SH3TC2: variants seen among roughly 807,000 people sequenced by gnomAD.
SH3TC2 encodes the protein SH3 domain and tetratricopeptide repeat-containing protein 2.
A neutral mutation model predicts 124.5 loss-of-function variants in SH3TC2; 87 were observed. The ratio of observed to expected loss-of-function variants is 0.70; its 90% CI spans 0.59 to 0.84. The LOEUF (loss-of-function observed/expected upper bound fraction) is 0.84. Ranked by LOEUF, SH3TC2 falls within the 40% of genes least tolerant of loss-of-function variation. SH3TC2 has a pLI of 0.00. For synonymous variants in SH3TC2, 634 were observed against 628.5 expected (o/e 1.01, Z -0.13); for missense variants, 1,536 against 1,566.4 (o/e 0.98, Z 0.33).
chr5:149,039,683 A>G (rs1259067761), intron 7 of SH3TC2, among the ~76,000 whole-genome samples: 2 of 152,266 alleles, frequency 1.3e-5, no homozygotes, highest in Middle Eastern at 3.4e-3. Context: ...TTATTGTATC[A>G]TTTTACTAAT....
At chr5:149,024,177 C>G (rs190498924) in intron 12 of SH3TC2, among the ~76,000 whole-genome samples, 1 of 152,296 alleles carries the variant, frequency 6.6e-6, no homozygotes, top group East Asian at 1.9e-4. Context: ...GAGCCAGGGA[C>G]TCCTCCACAC....
intron 1 of SH3TC2, among the ~76,000 whole-genome samples, chr5:149,055,463 A>G (rs1027163077): frequency 6.6e-6 from 1 of 152,066 alleles, no homozygotes; most frequent in Non-Finnish European, 1.5e-5. Context: ...TAAAACCACA[A>G]TGGAACACAA....
At position 149,027,193 on chromosome 5, in the gene SH3TC2, G is replaced by T; in HGVS notation, c.2539C>A (p.Gln847Lys). ...GCCCTGTTCACCCGGCCTTCACCTT[G>T]GAGTGCAAGTCCCAGGAGGTTATAG... ...VIYNLLGLAL[Q>K]GEGRVNRAAK... Residue 847 changes from glutamine (Q) to lysine (K), a missense_variant, in exon 11 of 17, where the codon CAA becomes AAA. By Grantham distance (53) the Gln-to-Lys change is moderately conservative. Around this residue, in one of 3 missense-constraint regions of SH3TC2, gnomAD observed 1,102 missense variants for 1,098.6 expected, o/e 1.00. Coordinates refer to ENST00000515425, the MANE Select transcript of SH3TC2 (RefSeq NM_024577.4). 1 of 1,614,178 alleles carries T rather than the reference G, an allele frequency of 6.2e-7. No individual in the cohort carries two copies. The highest frequency in any genetic ancestry group is 8.5e-7 in the Non-Finnish European group (1 of 1,180,038).
In SH3TC2 at chr5:148,984,588, A is replaced by ACT. The variant is rs1325931775; in HGVS notation, c.*20121_*20122dup. Among the ~76,000 whole-genome samples the ACT allele has an allele frequency of 6.6e-6, 1 of 151,942 alleles. No individual in the cohort carries two copies. Among genetic ancestry groups the ACT allele is most frequent in the Admixed American group, 6.6e-5 (1 of 15,244 alleles). ...AACCCCTGACTCAGTCTTCTGCCTC[A>ACT]CTCTGGACTAGGCAATGCTTCATAT... On this transcript the variant is annotated 3_prime_UTR_variant, in exon 17 of 17. Transcript: ENST00000515425.
rs1753491650 is a variant in SH3TC2, at chr5:148,995,326, G to T, written c.*9385C>A. 1.3e-5 allele frequency among the ~76,000 whole-genome samples: 2 copies of T among 152,176 alleles called. No individual in the cohort carries two copies. The highest frequency in any genetic ancestry group is 1.3e-4 in the Admixed American group (2 of 15,272). On this transcript the variant is annotated 3_prime_UTR_variant, in exon 17 of 17. Coordinates refer to ENST00000515425, the MANE Select transcript of SH3TC2 (RefSeq NM_024577.4). ...CCTTGATTCTATCACCTGAAAAGGGGAGATAAGGTCACCTTCTTTGGAGGA... is the reference window on the plus strand; with the variant it reads ...CCTTGATTCTATCACCTGAAAAGGGTAGATAAGGTCACCTTCTTTGGAGGA...
chr5:149,020,009 C>G (rs1753941135), intron 12 of SH3TC2, among the ~76,000 whole-genome samples: 1 of 152,118 alleles, frequency 6.6e-6, no homozygotes, highest in Non-Finnish European at 1.5e-5. Context: ...CAGCGCAGAA[C>G]AGCCTTTTCC....
chr5:149,043,537 G>A (rs972064931), intron 4 of SH3TC2: 1 of 152,462 alleles, frequency 6.6e-6, no homozygotes, highest in Non-Finnish European at 1.5e-5. Flanking sequence ...TAGGCCTTAT[G>A]TATCTTCTAT....
Position 149,004,770 on chromosome 5 carries a change from G to T in SH3TC2, c.3808C>A (p.Pro1270Thr). Reference protein sequence around the residue: ...ICQSPLWHSRPSGCSSERARW... With the variant: ...ICQSPLWHSRTSGCSSERARW... ...GCCCTCTCTGAGGAGCACCCGGAGG[G>T]CCTGCTGTGCCACAGGGGGCTCTGG... is the stretch of plus-strand genomic sequence containing the variant. Residue 1270 changes from proline to threonine, a missense_variant, in exon 17 of 17, where the codon CCC becomes ACC. Pro to Thr is a conservative substitution (Grantham distance 38). This residue lies in a region of SH3TC2 where 426 missense variants were observed against 443.5 expected (regional missense o/e 0.96). Coordinates refer to ENST00000515425, the MANE Select transcript of SH3TC2 (RefSeq NM_024577.4). 1 of 1,614,050 alleles carries T rather than the reference G, an allele frequency of 6.2e-7. No individual in the cohort carries two copies. Among genetic ancestry groups the T allele is most frequent in the Non-Finnish European group, 8.5e-7 (1 of 1,180,004 alleles).
rs1753288833 is a variant in SH3TC2, at chr5:148,983,717, G to C, written c.*20994C>G. On this transcript the variant is annotated 3_prime_UTR_variant, in exon 17 of 17. Transcript: ENST00000515425. ...GATGTCCCAGACTGGTCAAATAATGGTATTCTACTTCCCTGTCACAAATGG... is the reference window on the plus strand; with the variant it reads ...GATGTCCCAGACTGGTCAAATAATGCTATTCTACTTCCCTGTCACAAATGG... Among the ~76,000 whole-genome samples, 1 of 152,042 alleles carries C rather than the reference G, an allele frequency of 6.6e-6. No homozygotes were observed. The highest frequency in any genetic ancestry group is 1.5e-5 in the Non-Finnish European group (1 of 68,006).
intron 12 of SH3TC2, among the ~76,000 whole-genome samples, chr5:149,019,466 T>G (rs1753933157): frequency 6.6e-6 from 1 of 152,212 alleles, no homozygotes; most frequent in Non-Finnish European, 1.5e-5. Context: ...TCAATATCAC[T>G]TATATTAGTG....
intron 12 of SH3TC2, among the ~76,000 whole-genome samples, chr5:149,016,310 C>T (rs1325296483): frequency 2.6e-5 from 4 of 152,190 alleles, no homozygotes; most frequent in African/African-American, 9.7e-5. Context: ...TTACACCCTC[C>T]AGCAGTGCCG....
rs1229912505 is a variant in SH3TC2, at chr5:148,992,343, G to A, written c.*12368C>T. On this transcript the variant is annotated 3_prime_UTR_variant, in exon 17 of 17. Transcript: ENST00000515425. ...TAAGAAACCAACAATGCATACAAAG[G>A]GTTCCAGATCCTGCTTTTCTGGATG... is the stretch of plus-strand genomic sequence containing the variant. Among the ~76,000 whole-genome samples, 1 of 152,086 alleles carries A rather than the reference G, an allele frequency of 6.6e-6. No individual in the cohort carries two copies. Among genetic ancestry groups the A allele is most frequent in the African/African-American group, 2.4e-5 (1 of 41,404 alleles).
At chr5:149,061,588 A>C (rs1413934434) in intron 1 of SH3TC2, among the ~76,000 whole-genome samples, 1 of 152,232 alleles carries the variant, frequency 6.6e-6, no homozygotes, top group Non-Finnish European at 1.5e-5. Context: ...ACAGATAAGG[A>C]AACTGAAACA....
intron 13 of SH3TC2, among the ~76,000 whole-genome samples, chr5:149,011,490 G>A (rs1753782264): frequency 6.6e-6 from 1 of 152,224 alleles, no homozygotes; most frequent in African/African-American, 2.4e-5. Context: ...AAGGCTCTAA[G>A]TCACACTGTG....
At chr5:149,052,605 G>A (rs1754577500) in intron 1 of SH3TC2, among the ~76,000 whole-genome samples, 2 of 152,208 alleles carry the variant, frequency 1.3e-5, no homozygotes, top group Admixed American at 1.3e-4. Flanking sequence ...GCAGATAATG[G>A]AAGGGCTGGA....
intron 3 of SH3TC2, chr5:149,045,592 C>T (rs781772088): frequency 1.3e-5 from 2 of 152,068 alleles, no homozygotes; most frequent in African/African-American, 2.4e-5. Context: ...TTTACATGCT[C>T]ACAAGGAGAG....
At chr5:149,058,010 T>C (rs1003467844) in intron 1 of SH3TC2, among the ~76,000 whole-genome samples, 1 of 152,190 alleles carries the variant, frequency 6.6e-6, no homozygotes, top group East Asian at 1.9e-4. Flanking sequence ...AGCCTGGAGC[T>C]GTGGCACCCA....
chr5:149,033,813 A>G (rs1384239529), intron 8 of SH3TC2, among the ~76,000 whole-genome samples: 2 of 152,232 alleles, frequency 1.3e-5, no homozygotes, highest in African/African-American at 4.8e-5. Context: ...ACCACGATCC[A>G]AGAATTAATA....
chr5:149,006,651 T>C (rs921470984), intron 16 of SH3TC2, among the ~76,000 whole-genome samples: 13 of 152,096 alleles, frequency 8.5e-5, no homozygotes, highest in African/African-American at 2.2e-4. Flanking sequence ...AGAGGAACCA[T>C]GGTCTACTCC....
Sources: gnomAD v4.1 joint callset for allele counts (sites outside exome capture counted in the v4.1 genomes callset) on GRCh38, gnomAD v4.1.1 for gene constraint, gnomAD v4.1.1 regional missense constraint, MANE v1.5 for transcripts, NCBI Gene and HGNC (gene_info 2026-07-23, HGNC 2026-07-21) for gene names.